TTLL11: variants seen among roughly 807,000 people sequenced by gnomAD.
TTLL11 encodes the protein tubulin polyglutamylase TTLL11.
TTLL11 carries 42 observed loss-of-function variants against 51.7 expected under a neutral mutation model. That is an observed-to-expected ratio of 0.81 (90% confidence interval 0.64 to 1.05). TTLL11 has a LOEUF of 1.05. TTLL11 is among the 50% of genes least tolerant of loss of function. The pLI is 0.00. For synonymous variants in TTLL11, 381 were observed against 383.5 expected, an observed-to-expected ratio of 0.99 and a Z score of 0.08; for missense variants, 799 against 940.4, an observed-to-expected ratio of 0.85 and a Z score of 1.97.
At chr9:121,897,640 A>ACACACACACACACACCCACACACACACG (rs111331446) in intron 6 of TTLL11, among the ~76,000 whole-genome samples, 1 of 139,292 alleles carries the variant, frequency 7.2e-6, no homozygotes, top group Admixed American at 7.1e-5. Flanking sequence ...ACACACACAC[A>ACACACACACACACACCCACACACACACG]CGCGCGCGCG....
chr9:121,884,363 A>G (rs1232334083), intron 6 of TTLL11, among the ~76,000 whole-genome samples: 4 of 152,180 alleles, frequency 2.6e-5, no homozygotes, highest in Non-Finnish European at 2.9e-5. Context: ...GAAAGAAAAC[A>G]AAAGCGACTC....
intron 6 of TTLL11, among the ~76,000 whole-genome samples, chr9:121,886,812 A>T (rs986618536): frequency 6.6e-6 from 1 of 152,174 alleles, no homozygotes; most frequent in African/African-American, 2.4e-5. Context: ...CAGCACTAAA[A>T]CATTCTCAGT....
At chr9:122,049,769 T>C (rs1845109902) in intron 1 of TTLL11, among the ~76,000 whole-genome samples, 1 of 152,136 alleles carries the variant, frequency 6.6e-6, no homozygotes, top group Non-Finnish European at 1.5e-5. Flanking sequence ...CCTGGGGACT[T>C]TGCAAAATGA....
chr9:122,057,284 G>A (rs1845312759), intron 1 of TTLL11, among the ~76,000 whole-genome samples: 1 of 149,308 alleles, frequency 6.7e-6, no homozygotes, highest in Non-Finnish European at 1.5e-5. Context: ...AAAATAGAAA[G>A]TGATCTGCTG....
chr9:121,987,148 A>T (rs1473790217), intron 4 of TTLL11, among the ~76,000 whole-genome samples: 1 of 152,172 alleles, frequency 6.6e-6, no homozygotes, highest in Non-Finnish European at 1.5e-5. Flanking sequence ...AATAATCAAC[A>T]TAAAATTCAG....
intron 6 of TTLL11, among the ~76,000 whole-genome samples, chr9:121,966,020 A>T (rs1842389064): frequency 6.6e-6 from 1 of 152,226 alleles, no homozygotes; most frequent in African/African-American, 2.4e-5. Context: ...CAAACATGGC[A>T]CAGGGCCCAA....
In TTLL11 at chr9:121,816,359, C is replaced by A. The variant is rs1452558850; in HGVS notation, c.*6228G>T. 1 of 152,220 alleles carries A rather than the reference C, an allele frequency of 6.6e-6. No individual in the cohort carries two copies. Among genetic ancestry groups the A allele is most frequent in the Non-Finnish European group, 1.5e-5 (1 of 68,058 alleles). The allele number at this position is 152,220 out of a possible 1,614,324, so 9.4% of individuals were successfully genotyped here. On this transcript the variant is annotated 3_prime_UTR_variant, in exon 9 of 9. Transcript: ENST00000321582. Reference sequence around the variant, plus strand: ...GTCCTGGTTGGAATCTTAGCAAACACCTTCATGTTGGAGGACATGTTTCCC... The same window carrying A: ...GTCCTGGTTGGAATCTTAGCAAACAACTTCATGTTGGAGGACATGTTTCCC...
intron 3 of TTLL11, among the ~76,000 whole-genome samples, chr9:122,029,023 G>A (rs1247875685): frequency 1.3e-5 from 2 of 152,138 alleles, no homozygotes; most frequent in Non-Finnish European, 2.9e-5. Flanking sequence ...CCATAGCAGT[G>A]CCTAGAAAGA....
chr9:122,087,167 GT>G (rs1179091918), intron 1 of TTLL11, among the ~76,000 whole-genome samples: 1 of 152,000 alleles, frequency 6.6e-6, no homozygotes, highest in Admixed American at 6.6e-5. Flanking sequence ...ATTTTAGAGG[GT>G]TTTTGCAAGG....
At position 121,995,679 on chromosome 9, in the gene TTLL11, C is replaced by T. The variant is rs1843233849; in HGVS notation, c.694-5909G>A. 6.6e-6 allele frequency among the ~76,000 whole-genome samples: 1 copy of T among 152,144 alleles called. No individual in the cohort carries two copies. Among genetic ancestry groups the T allele is most frequent in the Admixed American group, 6.5e-5 (1 of 15,274 alleles). ...CTAATGAGTATTATTTGCACGACTCCAGACAGAGCTAATTTAGGACTTTAT... is the reference window on the plus strand; with the variant it reads ...CTAATGAGTATTATTTGCACGACTCTAGACAGAGCTAATTTAGGACTTTAT... On this transcript the variant is annotated intron_variant, in intron 3 of 8. Coordinates refer to ENST00000321582, the MANE Select transcript of TTLL11 (RefSeq NM_001139442.2). The surrounding 1 kb of genome is among the most constrained non-coding windows in gnomAD (Gnocchi z 4.4).
At chr9:121,988,697 T>C (rs4837932) in intron 4 of TTLL11, among the ~76,000 whole-genome samples, 11,326 of 152,256 alleles carry the variant, frequency 0.074, 870 homozygotes, top group African/African-American at 0.19. Flanking sequence ...CAGACGTTTC[T>C]TATTCTACTC....
At chr9:121,903,617 A>G (rs1839839643) in intron 6 of TTLL11, among the ~76,000 whole-genome samples, 1 of 152,232 alleles carries the variant, frequency 6.6e-6, no homozygotes, top group African/African-American at 2.4e-5. Flanking sequence ...GAGATTTTAT[A>G]TAAATATATA....
intron 3 of TTLL11, among the ~76,000 whole-genome samples, chr9:121,994,207 GGCA>G (rs60376480): frequency 0.034 from 5,225 of 152,198 alleles, 304 homozygotes; most frequent in African/African-American, 0.12. Flanking sequence ...GAAGGACCTG[GGCA>G]GATGATGTGC....
chr9:121,985,372 T>C (rs1456364899), intron 4 of TTLL11, among the ~76,000 whole-genome samples: 1 of 152,130 alleles, frequency 6.6e-6, no homozygotes, highest in East Asian at 1.9e-4. Flanking sequence ...AGCAAGTCAA[T>C]GGCAGAACCT....
chr9:121,897,617 G>GACACACACACACACACACAC (rs1564294290), intron 6 of TTLL11, among the ~76,000 whole-genome samples: 1 of 61,446 alleles, frequency 1.6e-5, no homozygotes, highest in Non-Finnish European at 3.7e-5. Flanking sequence ...TTTCCCTCCA[G>GACACACACACACACACACAC]GCACACACAC....
Position 121,862,786 on chromosome 9 carries a change from C to T in TTLL11, c.1734-2343G>A, listed in dbSNP as rs187968944. Among the ~76,000 whole-genome samples the T allele has an allele frequency of 4.6e-5, 7 of 152,372 alleles. No homozygotes were observed. In the East Asian group the frequency reaches 9.6e-4, roughly 21 times the overall value. ...TCAATGCCGCTTTCAACTTTTCAAA[C>T]GAATCCACATCCACTGCCTCAGCTA... On this transcript the variant is annotated intron_variant, in intron 7 of 8. Transcript: ENST00000321582.
At chr9:121,982,730 A>AAG (rs1486447290) in intron 4 of TTLL11, among the ~76,000 whole-genome samples, 2 of 151,818 alleles carry the variant, frequency 1.3e-5, no homozygotes, top group Non-Finnish European at 2.9e-5. Context: ...AAAAAAAAAA[A>AAG]AAAAAAGAAT....
rs535967040 is a variant in TTLL11 at position 122,055,143 on chromosome 9, A to G, written c.463-15775T>C. Among the ~76,000 whole-genome samples the G allele has an allele frequency of 1.1e-4, 16 of 152,166 alleles. No individual in the cohort carries two copies. The East Asian group carries it at 2.7e-3, about 26-fold the overall frequency. ...ACACAGGAGCAGAGGGTTAGTGGTG[A>G]CAGGCAAAGCTGAAGGGGGGATGTG... On this transcript the variant is annotated intron_variant, in intron 1 of 8. Coordinates refer to ENST00000321582, the MANE Select transcript of TTLL11 (RefSeq NM_001139442.2).
chr9:122,017,080 C>G (rs1012732244), intron 3 of TTLL11, among the ~76,000 whole-genome samples: 1 of 152,150 alleles, frequency 6.6e-6, no homozygotes, highest in Admixed American at 6.5e-5. Flanking sequence ...TAAACTTAAT[C>G]CTAATTAATG....
Sources: gnomAD v4.1 joint callset for allele counts (sites outside exome capture counted in the v4.1 genomes callset) on GRCh38, gnomAD v4.1.1 for gene constraint, Gnocchi (gnomAD v3.1) non-coding constraint, MANE v1.5 for transcripts, NCBI Gene and HGNC (gene_info 2026-07-23, HGNC 2026-07-21) for gene names.